The following DPP10 variants were observed in gnomAD, a reference collection of about 807,000 sequenced individuals.
The protein encoded by DPP10 is dipeptidyl peptidase like 10.
DPP10 carries 33 observed loss-of-function variants against 120.9 expected under a neutral mutation model. That is an observed-to-expected ratio of 0.27 (90% CI 0.21 to 0.37). DPP10 has a LOEUF of 0.37. Ranked by LOEUF, DPP10 falls within the 10% of genes least tolerant of loss-of-function variation. The pLI is 1.00. For synonymous variants in DPP10, 337 were observed against 326.1 expected, an observed-to-expected ratio of 1.03 and a Z score of -0.36; for missense variants, 816 against 942.8, an observed-to-expected ratio of 0.87 and a Z score of 1.76.
At chr2:114,583,276 C>T (rs1009252622) in intron 1 of DPP10, among the ~76,000 whole-genome samples, 3 of 152,284 alleles carry the variant, frequency 2.0e-5, no homozygotes, top group South Asian at 4.1e-4. Context: ...TTTTTGTTAA[C>T]AGACTGACAG....
At chr2:115,312,412 A>G (rs1451044319) in intron 2 of DPP10, among the ~76,000 whole-genome samples, 2 of 152,184 alleles carry the variant, frequency 1.3e-5, no homozygotes, top group African/African-American at 4.8e-5. Flanking sequence ...GTAATACATA[A>G]GGCCAGAAGA....
chr2:115,712,482 A>G (rs1035511509), intron 7 of DPP10, among the ~76,000 whole-genome samples: 1 of 141,788 alleles, frequency 7.1e-6, no homozygotes, highest in Non-Finnish European at 1.5e-5. Flanking sequence ...AATACAATAT[A>G]GTATCCTAGT....
chr2:114,524,825 G>A (rs1685362054), intron 1 of DPP10, among the ~76,000 whole-genome samples: 1 of 152,128 alleles, frequency 6.6e-6, no homozygotes, highest in African/African-American at 2.4e-5. Flanking sequence ...CTGTTTGTTT[G>A]TTTCTCAGTT....
At chr2:115,634,662 C>T (rs777567377) in intron 5 of DPP10, among the ~76,000 whole-genome samples, 1 of 152,110 alleles carries the variant, frequency 6.6e-6, no homozygotes, top group African/African-American at 2.4e-5. Context: ...TGTCTGGCAA[C>T]CCTAATTGAG....
At chr2:114,796,541 C>G (rs984636932) in intron 1 of DPP10, among the ~76,000 whole-genome samples, 2 of 151,950 alleles carry the variant, frequency 1.3e-5, no homozygotes, top group Non-Finnish European at 2.9e-5. Flanking sequence ...TTTTGGTCAA[C>G]AGTATGCTAT....
intron 2 of DPP10, among the ~76,000 whole-genome samples, chr2:115,324,701 T>G (rs1339601219): frequency 6.6e-6 from 1 of 152,218 alleles, no homozygotes; most frequent in Admixed American, 6.6e-5. Context: ...GATTAGCACT[T>G]TTAATTTCCC....
At chr2:115,337,340 C>G (rs2063201616) in intron 2 of DPP10, among the ~76,000 whole-genome samples, 1 of 151,764 alleles carries the variant, frequency 6.6e-6, no homozygotes, top group South Asian at 2.1e-4. Context: ...AAGAATATTC[C>G]TAAAATATTT....
intron 1 of DPP10, among the ~76,000 whole-genome samples, chr2:115,305,425 G>A (rs1210888595): frequency 6.6e-6 from 1 of 152,030 alleles, no homozygotes; most frequent in African/African-American, 2.4e-5. Flanking sequence ...ATTGTTAACT[G>A]ACGTAAGGAA....
At chr2:115,485,112 T>G (rs561505108) in intron 3 of DPP10, among the ~76,000 whole-genome samples, 1 of 152,100 alleles carries the variant, frequency 6.6e-6, no homozygotes, top group Admixed American at 6.6e-5. Context: ...ATAATAGCTG[T>G]TTACAGTTAG....
chr2:114,608,770 C>T (rs1361489161), intron 1 of DPP10, among the ~76,000 whole-genome samples: 1 of 151,650 alleles, frequency 6.6e-6, no homozygotes, highest in South Asian at 2.1e-4. Flanking sequence ...GCATTATCCT[C>T]AGCAAATTAA....
At chr2:115,006,316 G>A (rs913391143) in intron 1 of DPP10, among the ~76,000 whole-genome samples, 1 of 151,198 alleles carries the variant, frequency 6.6e-6, no homozygotes, top group Non-Finnish European at 1.5e-5. Context: ...CAACTAACGA[G>A]CAAAATAACC....
At chr2:115,163,703 G>T (rs911681250) in intron 1 of DPP10, among the ~76,000 whole-genome samples, 4 of 152,184 alleles carry the variant, frequency 2.6e-5, no homozygotes, top group Non-Finnish European at 5.9e-5. Context: ...ACTGCTCTGG[G>T]AATGATGCTA....
intron 1 of DPP10, among the ~76,000 whole-genome samples, chr2:115,101,383 C>T (rs964225114): frequency 6.6e-6 from 1 of 152,252 alleles, no homozygotes; most frequent in Non-Finnish European, 1.5e-5. Context: ...TAGTATAATT[C>T]TCCAGTGAGG....
chr2:115,542,113 C>T (rs2079206512), intron 5 of DPP10, among the ~76,000 whole-genome samples: 1 of 151,860 alleles, frequency 6.6e-6, no homozygotes. Flanking sequence ...CATTTTCTGA[C>T]ATGCCTTTGT....
At chr2:115,564,555 G>T (rs1345256443) in intron 5 of DPP10, among the ~76,000 whole-genome samples, 1 of 151,990 alleles carries the variant, frequency 6.6e-6, no homozygotes, top group Non-Finnish European at 1.5e-5. Flanking sequence ...GGTATTCCAG[G>T]ATATAAATGT....
At chr2:115,442,509 T>A (rs2072174730) in intron 3 of DPP10, among the ~76,000 whole-genome samples, 1 of 152,120 alleles carries the variant, frequency 6.6e-6, no homozygotes, top group South Asian at 2.1e-4. Context: ...AGTGGAATGT[T>A]GCTTAGGATT....
intron 21 of DPP10, among the ~76,000 whole-genome samples, chr2:115,821,681 C>A (rs553575188): frequency 6.6e-6 from 1 of 150,984 alleles, no homozygotes; most frequent in Non-Finnish European, 1.5e-5. Context: ...TTATTTTTTT[C>A]TCTTTCATTC....
intron 5 of DPP10, among the ~76,000 whole-genome samples, chr2:115,611,548 G>T (rs1272373612): frequency 6.6e-6 from 1 of 151,984 alleles, no homozygotes; most frequent in Non-Finnish European, 1.5e-5. Flanking sequence ...AAACTTTTTG[G>T]GACTATATGA....
At chr2:114,862,268 C>T (rs1689865295) in intron 1 of DPP10, among the ~76,000 whole-genome samples, 1 of 32,820 alleles carries the variant, frequency 3.0e-5, no homozygotes, top group African/African-American at 8.4e-5. Flanking sequence ...TACAACTGTC[C>T]AAGTGGAAAA....
Sources: allele counts gnomAD v4.1 joint callset (sites outside exome capture counted in the v4.1 genomes callset), GRCh38; gene constraint gnomAD v4.1.1; transcripts MANE v1.5; gene names NCBI Gene and HGNC (gene_info 2026-07-23, HGNC 2026-07-21).